The following TENT5C variants were observed in gnomAD, a reference collection of about 807,000 sequenced individuals.
The protein encoded by TENT5C is terminal nucleotidyltransferase 5C.
Under a neutral mutation model 22.2 loss-of-function variants are expected in TENT5C, and 5 were observed. That is an observed-to-expected ratio of 0.22 (90% CI 0.12 to 0.47). The LOEUF is 0.47. Ranked by LOEUF, TENT5C falls within the 20% of genes least tolerant of loss-of-function variation. The probability of loss-of-function intolerance (pLI) is 0.99; values close to 1 mark genes in which losing one functional copy is unlikely to be tolerated. For synonymous variants in TENT5C, 199 were observed against 195.4 expected, an observed-to-expected ratio of 1.02 and a Z score of -0.15; for missense variants, 364 against 500.9, an observed-to-expected ratio of 0.73 and a Z score of 2.61.
chr1:117,622,023 G>A (rs1653903936), intron 1 of TENT5C, among the ~76,000 whole-genome samples: 1 of 152,172 alleles, frequency 6.6e-6, no homozygotes, highest in African/African-American at 2.4e-5. Context: ...GGCGCACACT[G>A]CCCGGGGGAA....
rs555152244 is a variant in TENT5C, at chr1:117,625,105, G to GTTT, written c.*1071_*1073dup. On this transcript the variant is annotated 3_prime_UTR_variant, in exon 2 of 2. Transcript: ENST00000369448. ...GCTATTTTTTGTTTTTGTTCTTTTC[G>GTTT]TTTTTTTTTTTTCCAAAAATAGTGA... 701 of 221,094 alleles carry GTTT rather than the reference G, an allele frequency of 3.2e-3. 7 individuals carry two copies. Among genetic ancestry groups the GTTT allele is most frequent in the African/African-American group, 0.015 (659 of 43,022 alleles). 13.7% of individuals were successfully genotyped at this position (221,094 alleles called of 1,614,324 possible).
intron 1 of TENT5C, among the ~76,000 whole-genome samples, chr1:117,610,561 C>G (rs952298756): frequency 1.1e-4 from 17 of 152,206 alleles, no homozygotes; most frequent in Admixed American, 6.5e-4. Context: ...CGGAGTCTTA[C>G]TCTGTCGCCA....
At chr1:117,611,622 C>T (rs372508053) in intron 1 of TENT5C, among the ~76,000 whole-genome samples, 59 of 152,280 alleles carry the variant, frequency 3.9e-4, no homozygotes, top group African/African-American at 1.3e-3. Flanking sequence ...AGGAGGATCC[C>T]TTGAGTCCAG....
intron 1 of TENT5C, among the ~76,000 whole-genome samples, chr1:117,608,321 C>T (rs1653589350): frequency 6.6e-6 from 1 of 152,166 alleles, no homozygotes; most frequent in African/African-American, 2.4e-5. Flanking sequence ...GCTATCTCTA[C>T]CTGGTTTCTT....
rs189796564 is a variant in TENT5C, at chr1:117,627,863, T to C, written c.*3819T>C. On this transcript the variant is annotated 3_prime_UTR_variant, in exon 2 of 2. Transcript: ENST00000369448. ...AAAAGACTGTGTGTGTGTGTGTGTG[T>C]GCGTGTGTGTGTTCAAGTGCCTAAA... 1.4e-3 allele frequency: 339 copies of C among 243,376 alleles called. 4 individuals carry two copies. In the South Asian group the frequency reaches 0.018, roughly 13 times the overall value. The allele number at this position is 243,376 out of a possible 1,614,324, so 15.1% of individuals were successfully genotyped here.
intron 1 of TENT5C, among the ~76,000 whole-genome samples, chr1:117,611,511 G>A (rs188865391): frequency 4.7e-4 from 71 of 152,248 alleles, no homozygotes; most frequent in African/African-American, 1.5e-3. Context: ...TGAGAGACAC[G>A]ATTAACTTCC....
In TENT5C at chr1:117,623,960, T is replaced by C. The variant is rs1467849967; in HGVS notation, c.1092T>C (p.Ser364=). The C allele has an allele frequency of 1.2e-6, 2 of 1,614,066 alleles. No individual in the cohort carries two copies. The highest frequency in any genetic ancestry group is 8.5e-7 in the Non-Finnish European group (1 of 1,180,006). ...ACTACCAGCCGGCCCCTTACGTCAG[T>C]GATGGCAACTTCAGCAACTACTACG... ...TCYYQPAPYV[S]DGNFSNYYVA... The change falls in exon 2 of 2, where the codon AGT becomes AGC. Residue 364 remains serine (S), a synonymous_variant. Coordinates refer to ENST00000369448, the MANE Select transcript of TENT5C (RefSeq NM_017709.4).
In TENT5C at chr1:117,624,389, C is replaced by T. The variant is rs1653968448; in HGVS notation, c.*345C>T. ...CGAGATTGGGAGAATTTGGGCAGCGCGTGAGAAGTGCTAAGCTACTTGTTT... is the reference window on the plus strand; with the variant it reads ...CGAGATTGGGAGAATTTGGGCAGCGTGTGAGAAGTGCTAAGCTACTTGTTT... On this transcript the variant is annotated 3_prime_UTR_variant, in exon 2 of 2. Coordinates refer to ENST00000369448, the MANE Select transcript of TENT5C (RefSeq NM_017709.4). The T allele has an allele frequency of 3.3e-6, 1 of 302,362 alleles. No individual in the cohort carries two copies. The highest frequency in any genetic ancestry group is 6.5e-6 in the Non-Finnish European group (1 of 153,484). 18.7% of individuals were successfully genotyped at this position (302,362 alleles called of 1,614,324 possible).
chr1:117,618,571 G>C (rs183198893), intron 1 of TENT5C, among the ~76,000 whole-genome samples: 8 of 151,002 alleles, frequency 5.3e-5, no homozygotes, highest in Non-Finnish European at 1.0e-4. Flanking sequence ...ATGGATGTGG[G>C]AATGCAGAAT....
Position 117,623,216 on chromosome 1 carries a change from T to C in TENT5C, c.348T>C (p.Leu116=), listed in dbSNP as rs1362092246. The change falls in exon 2 of 2, where the codon CTT becomes CTC. Residue 116 remains leucine (L), a synonymous_variant. Transcript: ENST00000369448. ...TTAGAGATGTGGTTCTGTGTTCCCT[T>C]CTGAACTTCCTGCCAGAGGGTGTGA... is the stretch of plus-strand genomic sequence containing the variant. ...QLVRDVVLCS[L]LNFLPEGVNK... 3 of 1,614,150 alleles carry C rather than the reference T, an allele frequency of 1.9e-6. No individual in the cohort carries two copies. In the South Asian group the frequency reaches 3.3e-5, roughly 18 times the overall value.
At chr1:117,610,183 CAGTA>C (rs1163570793) in intron 1 of TENT5C, among the ~76,000 whole-genome samples, 4 of 152,056 alleles carry the variant, frequency 2.6e-5, no homozygotes, top group Non-Finnish European at 4.4e-5. Flanking sequence ...TTGATGAGGG[CAGTA>C]AGTGAGTCCG....
At chr1:117,607,447 C>T (rs1372238740) in intron 1 of TENT5C, among the ~76,000 whole-genome samples, 1 of 152,176 alleles carries the variant, frequency 6.6e-6, no homozygotes, top group Non-Finnish European at 1.5e-5. Flanking sequence ...TTTATAAATA[C>T]TATGTGCATA....
rs1654021597 is a variant in TENT5C at position 117,626,730 on chromosome 1, A to G, written c.*2686A>G. 4.0e-6 allele frequency: 1 copy of G among 248,020 alleles called. No individual in the cohort carries two copies. The highest frequency in any genetic ancestry group is 5.6e-5 in the Admixed American group (1 of 17,782). 15.4% of individuals were successfully genotyped at this position (248,020 alleles called of 1,614,324 possible). ...GTATGTGTGTGTGTTGAGTAACATG[A>G]AACTTGGCAGTAGCAGAGAGCACTG... is the stretch of plus-strand genomic sequence containing the variant. On this transcript the variant is annotated 3_prime_UTR_variant, in exon 2 of 2. Transcript: ENST00000369448.
intron 1 of TENT5C, among the ~76,000 whole-genome samples, chr1:117,622,341 G>C (rs78749875): frequency 7.7e-6 from 1 of 129,264 alleles, no homozygotes; most frequent in East Asian, 2.1e-4. Flanking sequence ...GTGTGTGTGT[G>C]TGTGTGTGTG....
chr1:117,619,794 C>T (rs910444766), intron 1 of TENT5C, among the ~76,000 whole-genome samples: 2 of 152,008 alleles, frequency 1.3e-5, no homozygotes, highest in African/African-American at 4.8e-5. Flanking sequence ...TTCTGAAATG[C>T]CTCCTTTAAT....
chr1:117,607,193 A>G (rs1349898125), intron 1 of TENT5C, among the ~76,000 whole-genome samples: 2 of 152,152 alleles, frequency 1.3e-5, no homozygotes, highest in Non-Finnish European at 2.9e-5. Flanking sequence ...GCTCCCCTGG[A>G]GAAATGAATG....
chr1:117,613,836 A>G (rs1653720382), intron 1 of TENT5C, among the ~76,000 whole-genome samples: 1 of 152,176 alleles, frequency 6.6e-6, no homozygotes. Flanking sequence ...ACTGACTTAG[A>G]AATGTTTTCT....
At chr1:117,610,690 G>A (rs1482333520) in intron 1 of TENT5C, among the ~76,000 whole-genome samples, 1 of 152,118 alleles carries the variant, frequency 6.6e-6, no homozygotes, top group Non-Finnish European at 1.5e-5. Context: ...ACCACACCCA[G>A]CTAATTTTTT....
intron 1 of TENT5C, among the ~76,000 whole-genome samples, chr1:117,606,806 C>G (rs1206022870): frequency 6.6e-6 from 1 of 152,162 alleles, no homozygotes; most frequent in Non-Finnish European, 1.5e-5. Context: ...TTAATGCGCT[C>G]ACATCAGACT....
Sources: allele counts gnomAD v4.1 joint callset (sites outside exome capture counted in the v4.1 genomes callset), GRCh38; gene constraint gnomAD v4.1.1; transcripts MANE v1.5; gene names NCBI Gene and HGNC (gene_info 2026-07-23, HGNC 2026-07-21).